The following FAR2 variants were observed in gnomAD, a reference collection of about 807,000 sequenced individuals.
The protein encoded by FAR2 is epididymis secretory protein Li 81.
In FAR2, 19 loss-of-function variants were observed where a neutral mutation model predicts 56.0. The ratio of observed to expected loss-of-function variants is 0.34; its 90% CI spans 0.24 to 0.50. The LOEUF is 0.50. Ranked by LOEUF, FAR2 falls within the 20% of genes least tolerant of loss-of-function variation. The pLI is 0.98. For synonymous variants in FAR2, 219 were observed against 218.8 expected (o/e 1.00, Z -0.01); for missense variants, 508 against 642.2 (o/e 0.79, Z 2.26).
chr12:29,149,863 G>T (rs1949667716), intron 1 of FAR2, among the ~76,000 whole-genome samples: 1 of 152,178 alleles, frequency 6.6e-6, no homozygotes, highest in Non-Finnish European at 1.5e-5. Context: ...TGAAACGGCA[G>T]CGGTCCTAGG....
chr12:29,182,148 GC>G (rs1325757447), intron 1 of FAR2, among the ~76,000 whole-genome samples: 1 of 152,190 alleles, frequency 6.6e-6, no homozygotes, highest in Non-Finnish European at 1.5e-5. Context: ...CAAGAATGAA[GC>G]CACAGACCTT....
intron 2 of FAR2, among the ~76,000 whole-genome samples, chr12:29,286,200 A>T (rs995591437): frequency 1.3e-5 from 2 of 152,174 alleles, no homozygotes; most frequent in Non-Finnish European, 2.9e-5. Context: ...AGCGGTGGGC[A>T]CTATGACAAA....
At chr12:29,299,816 G>C (rs1482607174) in intron 4 of FAR2, among the ~76,000 whole-genome samples, 1 of 152,102 alleles carries the variant, frequency 6.6e-6, no homozygotes, top group Non-Finnish European at 1.5e-5. Context: ...TTTGTCCCTA[G>C]AGCTTAGTTC....
At chr12:29,239,261 A>T (rs1433809980) in intron 1 of FAR2, among the ~76,000 whole-genome samples, 1 of 152,128 alleles carries the variant, frequency 6.6e-6, no homozygotes, top group Non-Finnish European at 1.5e-5. Context: ...TAGCAAACTA[A>T]ACAAATAGGG....
At chr12:29,196,786 T>C (rs1222193496) in intron 1 of FAR2, among the ~76,000 whole-genome samples, 3 of 152,124 alleles carry the variant, frequency 2.0e-5, no homozygotes, top group African/African-American at 4.8e-5. Context: ...ACTAAAAAGC[T>C]TCTGCACAGC....
intron 1 of FAR2, among the ~76,000 whole-genome samples, chr12:29,247,632 A>G (rs894648096): frequency 6.6e-6 from 1 of 152,192 alleles, no homozygotes; most frequent in Non-Finnish European, 1.5e-5. Flanking sequence ...TGTAAGAACT[A>G]GGAAACAGAA....
chr12:29,171,288 C>T (rs1949882889), intron 1 of FAR2: 1 of 152,650 alleles, frequency 6.6e-6, no homozygotes, highest in Non-Finnish European at 1.5e-5. Flanking sequence ...CCTTTGTCCT[C>T]TGGGGCAGTG....
intron 2 of FAR2, among the ~76,000 whole-genome samples, chr12:29,271,517 A>T (rs951586290): frequency 3.9e-5 from 6 of 152,234 alleles, no homozygotes; most frequent in Non-Finnish European, 8.8e-5. Context: ...GAAAATTCAG[A>T]GTTCCTTTTT....
At chr12:29,206,366 A>G (rs954207362) in intron 1 of FAR2, among the ~76,000 whole-genome samples, 1 of 152,234 alleles carries the variant, frequency 6.6e-6, no homozygotes, top group Non-Finnish European at 1.5e-5. Context: ...CATCTGTGCT[A>G]AGACTGATTG....
At chr12:29,221,006 A>T (rs898174650) in intron 1 of FAR2, among the ~76,000 whole-genome samples, 1 of 151,894 alleles carries the variant, frequency 6.6e-6, no homozygotes, top group Non-Finnish European at 1.5e-5. Context: ...AGCGCTTGGG[A>T]GGGGCTACTG....
At chr12:29,203,826 C>T (rs944980028) in intron 1 of FAR2, among the ~76,000 whole-genome samples, 13 of 151,578 alleles carry the variant, frequency 8.6e-5, no homozygotes, top group Admixed American at 3.3e-4. Context: ...AGTGAAACCC[C>T]GTCTCTACTA....
chr12:29,191,230 C>T (rs1950100720), intron 1 of FAR2, among the ~76,000 whole-genome samples: 1 of 152,240 alleles, frequency 6.6e-6, no homozygotes, highest in African/African-American at 2.4e-5. Context: ...CAGGCCAGAT[C>T]TCCAAGTCTT....
chr12:29,319,373 A>T (rs1049453387), intron 9 of FAR2, among the ~76,000 whole-genome samples: 10 of 152,206 alleles, frequency 6.6e-5, no homozygotes, highest in Non-Finnish European at 1.3e-4. Context: ...TGTCAAACTC[A>T]TAAGGAATGA....
chr12:29,267,715 A>T (rs1948542307), intron 1 of FAR2, among the ~76,000 whole-genome samples: 1 of 152,238 alleles, frequency 6.6e-6, no homozygotes, highest in Non-Finnish European at 1.5e-5. Context: ...TGTTCTTCAT[A>T]GTATTTCTCT....
At chr12:29,304,613 G>T (rs1949226672) in intron 4 of FAR2, among the ~76,000 whole-genome samples, 1 of 152,030 alleles carries the variant, frequency 6.6e-6, no homozygotes, top group Non-Finnish European at 1.5e-5. Context: ...TATGCCTCTT[G>T]GTAATTCATT....
rs1949621576 is a variant in FAR2 at position 29,325,012 on chromosome 12, G to A, written c.1257+3088G>A. Among the ~76,000 whole-genome samples, 6 of 152,216 alleles carry A rather than the reference G, an allele frequency of 3.9e-5. No homozygotes were observed. In the South Asian group the frequency reaches 1.2e-3, roughly 32 times the overall value. The stretch of plus-strand genomic sequence containing the variant: ...GCTGTATTCAGGAAACCCATCTCAT[G>A]TGCAGAGACACACATAGGCTCAAAA... On this transcript the variant is annotated intron_variant, in intron 10 of 11. Transcript: ENST00000536681.
chr12:29,240,801 AT>A (rs951608817), intron 1 of FAR2, among the ~76,000 whole-genome samples: 70 of 86,332 alleles, frequency 8.1e-4, no homozygotes, highest in Non-Finnish European at 1.2e-3. Context: ...GTGTATGTAT[AT>A]TTTTTTTTAT....
intron 1 of FAR2, among the ~76,000 whole-genome samples, chr12:29,225,559 T>G (rs1314756431): frequency 6.6e-6 from 1 of 152,196 alleles, no homozygotes; most frequent in Non-Finnish European, 1.5e-5. Context: ...GAAAATTGGA[T>G]GAAGGTGCTC....
At chr12:29,197,941 T>C (rs1950156129) in intron 1 of FAR2, among the ~76,000 whole-genome samples, 1 of 152,164 alleles carries the variant, frequency 6.6e-6, no homozygotes, top group African/African-American at 2.4e-5. Context: ...GGATTGAACA[T>C]AGAGCAAATG....
Sources: gnomAD v4.1 joint callset for allele counts (sites outside exome capture counted in the v4.1 genomes callset) on GRCh38, gnomAD v4.1.1 for gene constraint, MANE v1.5 for transcripts, NCBI Gene and HGNC (gene_info 2026-07-23, HGNC 2026-07-21) for gene names.